The following GALNT13 variants were observed in gnomAD, a reference collection of about 807,000 sequenced individuals.
GALNT13 encodes the protein polypeptide N-acetylgalactosaminyltransferase 13, also known as UDP-GalNAc:polypeptide N-acetylgalactosaminyltransferase 13.
A neutral mutation model predicts 64.2 loss-of-function variants in GALNT13; 28 were observed. The observed-to-expected ratio is 0.44, with a 90% CI of 0.32 to 0.60. GALNT13 has a LOEUF of 0.60. Ranked by LOEUF, GALNT13 falls within the 20% of genes least tolerant of loss-of-function variation. GALNT13 has a pLI of 0.05. For synonymous variants in GALNT13, 214 were observed against 224.6 expected, an observed-to-expected ratio of 0.95 and a Z score of 0.42; for missense variants, 577 against 669.8, an observed-to-expected ratio of 0.86 and a Z score of 1.53.
chr2:153,092,808 A>G, the GALNT13 span, among the ~76,000 whole-genome samples: 2 of 152,114 alleles, frequency 1.3e-5, no homozygotes, highest in African/African-American at 2.4e-5. Context: ...ATCCTTTCCA[A>G]TTTTAATTTC....
intron 2 of GALNT13, among the ~76,000 whole-genome samples, chr2:153,919,113 C>T (rs16835385): frequency 6.6e-6 from 1 of 151,904 alleles, no homozygotes; most frequent in African/African-American, 2.4e-5. Flanking sequence ...TTCTGTCTTT[C>T]TCCTCCCTTG....
the GALNT13 span, among the ~76,000 whole-genome samples, chr2:153,727,023 A>G: frequency 6.6e-6 from 1 of 152,006 alleles, no homozygotes; most frequent in Non-Finnish European, 1.5e-5. Flanking sequence ...TCAGTAAACC[A>G]TTGGGTCCAA....
chr2:153,936,871 C>A (rs555622371), intron 2 of GALNT13, among the ~76,000 whole-genome samples: 1 of 152,178 alleles, frequency 6.6e-6, no homozygotes, highest in East Asian at 1.9e-4. Flanking sequence ...CAGGCGTGTG[C>A]CACCATGCCC....
intron 3 of GALNT13, among the ~76,000 whole-genome samples, chr2:154,000,823 T>A (rs932311120): frequency 6.6e-6 from 1 of 152,014 alleles, no homozygotes; most frequent in Non-Finnish European, 1.5e-5. Context: ...AACAGCACAG[T>A]TTAACTGCAG....
At chr2:153,639,036 A>ATTGTT in the GALNT13 span, among the ~76,000 whole-genome samples, 98 of 148,822 alleles carry the variant, frequency 6.6e-4, no homozygotes, top group African/African-American at 1.2e-3. Context: ...TAGTTGGAGA[A>ATTGTT]TTGTTTTGTT....
rs559156585 is a variant in GALNT13 at position 154,082,781 on chromosome 2, G to A, written c.143-57556G>A. 3.3e-5 allele frequency among the ~76,000 whole-genome samples: 5 copies of A among 151,930 alleles called. No individual in the cohort carries two copies. The East Asian group carries it at 9.7e-4, about 30-fold the overall frequency. Reference sequence around the variant, plus strand: ...TTGTTTGTTTGTTTCTTGAAAATTTGTTTAAGTTCTTTGTAGATTCTGGAT... The same window carrying A: ...TTGTTTGTTTGTTTCTTGAAAATTTATTTAAGTTCTTTGTAGATTCTGGAT... On this transcript the variant is annotated intron_variant, in intron 3 of 12. Transcript: ENST00000392825.
chr2:154,156,751 A>T (rs1018834149), intron 4 of GALNT13, among the ~76,000 whole-genome samples: 2 of 152,192 alleles, frequency 1.3e-5, no homozygotes, highest in Non-Finnish European at 2.9e-5. Flanking sequence ...TTACATTACT[A>T]GGAACTTCAT....
chr2:153,403,883 C>G, the GALNT13 span, among the ~76,000 whole-genome samples: 1 of 152,204 alleles, frequency 6.6e-6, no homozygotes. Context: ...AGAAATCACC[C>G]GTCTTCTGCG....
At chr2:153,328,979 C>T in the GALNT13 span, among the ~76,000 whole-genome samples, 7 of 152,038 alleles carry the variant, frequency 4.6e-5, no homozygotes, top group African/African-American at 1.2e-4. Flanking sequence ...TTGCAAAGAC[C>T]GTGGGAAAAG....
the GALNT13 span, among the ~76,000 whole-genome samples, chr2:153,135,699 T>C: frequency 5.3e-5 from 8 of 152,082 alleles, no homozygotes; most frequent in African/African-American, 9.7e-5. Flanking sequence ...GACTTCATTA[T>C]ACTTTTGGAT....
At chr2:153,854,436 C>T in the GALNT13 span, among the ~76,000 whole-genome samples, 1 of 151,752 alleles carries the variant, frequency 6.6e-6, no homozygotes, top group Non-Finnish European at 1.5e-5. Context: ...AAAAAATTAG[C>T]CAGGCGTGGG....
intron 1 of GALNT13, among the ~76,000 whole-genome samples, chr2:153,873,454 C>G (rs1686133718): frequency 6.6e-6 from 1 of 152,204 alleles, no homozygotes; most frequent in Non-Finnish European, 1.5e-5. Flanking sequence ...GTCTGCCTCC[C>G]CAACCTTTAT....
chr2:154,139,387 A>G (rs1447570854), intron 3 of GALNT13, among the ~76,000 whole-genome samples: 2 of 151,946 alleles, frequency 1.3e-5, no homozygotes, highest in African/African-American at 4.8e-5. Context: ...GTGCCTAAAT[A>G]TGTGCCTTTT....
At chr2:153,642,952 T>C in the GALNT13 span, among the ~76,000 whole-genome samples, 9 of 151,612 alleles carry the variant, frequency 5.9e-5, no homozygotes, top group Non-Finnish European at 1.3e-4. Context: ...ATCTAAATAA[T>C]TGATGTATCA....
chr2:153,115,550 C>T, the GALNT13 span, among the ~76,000 whole-genome samples: 5 of 151,980 alleles, frequency 3.3e-5, no homozygotes, highest in Non-Finnish European at 5.9e-5. Flanking sequence ...TTTCCTTTAG[C>T]GCACAAGGGA....
the GALNT13 span, among the ~76,000 whole-genome samples, chr2:153,468,674 C>T: frequency 6.6e-6 from 1 of 151,932 alleles, no homozygotes; most frequent in Non-Finnish European, 1.5e-5. Context: ...TACTTATAAA[C>T]ATTCTAAATA....
rs1390695102 is a variant in GALNT13, at chr2:154,216,877, A to T, written c.312-25153A>T. Among the ~76,000 whole-genome samples, 6 of 123,168 alleles carry T rather than the reference A, an allele frequency of 4.9e-5. No homozygotes were observed. The East Asian group carries it at 1.5e-3, about 31-fold the overall frequency. 80.8% of individuals were successfully genotyped at this position (123,168 alleles called of 152,430 possible). ...CAGGCACAAGTGCAGTGGCATGATT[A>T]TAGCTCATTGCCTCAAAATCCTGGG... is the stretch of plus-strand genomic sequence containing the variant. On this transcript the variant is annotated intron_variant, in intron 4 of 12. Transcript: ENST00000392825.
chr2:154,071,328 T>G (rs1451963405), intron 3 of GALNT13, among the ~76,000 whole-genome samples: 1 of 152,136 alleles, frequency 6.6e-6, no homozygotes, highest in Non-Finnish European at 1.5e-5. Context: ...AATTAAAATT[T>G]TCTAGAATTT....
chr2:153,872,745 CG>C (rs1359771764), intron 1 of GALNT13, among the ~76,000 whole-genome samples: 2 of 151,726 alleles, frequency 1.3e-5, no homozygotes, highest in Admixed American at 6.6e-5. Flanking sequence ...GGCTGCGTTG[CG>C]GGCGTTTCTA....
Sources: allele counts gnomAD v4.1 joint callset (sites outside exome capture counted in the v4.1 genomes callset), GRCh38; gene constraint gnomAD v4.1.1; transcripts MANE v1.5; gene names NCBI Gene and HGNC (gene_info 2026-07-23, HGNC 2026-07-21).